Variants in CPEB2 observed in about 807,000 individuals in gnomAD.
CPEB2 encodes cytoplasmic polyadenylation element-binding protein 2.
In CPEB2, 56 loss-of-function variants were observed where a neutral mutation model predicts 93.6. That is an observed-to-expected ratio of 0.60 (90% CI 0.48 to 0.75). The LOEUF (loss-of-function observed/expected upper bound fraction) is 0.75. Ranked by LOEUF, CPEB2 falls within the 30% of genes least tolerant of loss-of-function variation. The pLI is 0.00. For synonymous variants in CPEB2, 764 were observed against 586.3 expected (o/e 1.30, Z -4.38); for missense variants, 1,579 against 1,395.1 (o/e 1.13, Z -2.10).
intron 8 of CPEB2, among the ~76,000 whole-genome samples, chr4:15,057,438 T>C (rs1459769132): frequency 6.6e-6 from 1 of 152,172 alleles, no homozygotes; most frequent in Non-Finnish European, 1.5e-5. Context: ...CATTTCCCAT[T>C]ATACGATGGA....
chr4:15,010,056 G>T lies in CPEB2; in HGVS notation c.2034+1629G>T, dbSNP rs530160156. ...TTCCCTTTGGACTTTTGAGCCAGAG[G>T]TGTGATGTGATGAAGTAAAACACAG... is the stretch of plus-strand genomic sequence containing the variant. On this transcript the variant is annotated intron_variant, in intron 3 of 11. Coordinates refer to ENST00000538197, the MANE Select transcript of CPEB2 (RefSeq NM_001177382.2). 2.0e-5 allele frequency among the ~76,000 whole-genome samples: 3 copies of T among 152,284 alleles called. 1 individual carries two copies. Among genetic ancestry groups the T allele is most frequent in the Admixed American group, 2.0e-4 (3 of 15,300 alleles).
At chr4:15,047,280 A>G (rs752244836) in intron 6 of CPEB2, among the ~76,000 whole-genome samples, 1 of 152,180 alleles carries the variant, frequency 6.6e-6, no homozygotes, top group Admixed American at 6.5e-5. Context: ...TTTATCATAA[A>G]TTTTAGAACT....
At chr4:15,030,574 T>G (rs768227002) in intron 4 of CPEB2, among the ~76,000 whole-genome samples, 33 of 152,108 alleles carry the variant, frequency 2.2e-4, no homozygotes, top group Admixed American at 4.6e-4. Context: ...GTACTTTTAA[T>G]AATACCCTAA....
chr4:15,017,200 A>G lies in CPEB2; in HGVS notation c.2047A>G (p.Met683Val). The G allele has an allele frequency of 6.3e-7, 1 of 1,584,734 alleles. No homozygotes were observed. Among genetic ancestry groups the G allele is most frequent in the Admixed American group, 1.7e-5 (1 of 59,606 alleles). ...TSRIDQDRSR[M>V]YDSLNMHSLE... is the part of the protein sequence containing the mutation. ...TCTTCTCTTCCAGGATCGAAGTAGA[A>G]TGTATGACAGTTTGAATATGCACTC... The change falls in exon 4 of 12, where the codon ATG (methionine) becomes GTG (valine). Residue 683 changes from methionine (M) to valine (V), a missense_variant. This residue lies in a region of CPEB2 where 1,411 missense variants were observed against 1,056.0 expected (regional missense o/e 1.34). Coordinates refer to ENST00000538197, the MANE Select transcript of CPEB2 (RefSeq NM_001177382.2).
intron 6 of CPEB2, among the ~76,000 whole-genome samples, chr4:15,041,341 T>A (rs1577431402): frequency 1.3e-5 from 2 of 152,166 alleles, no homozygotes; most frequent in East Asian, 3.8e-4. Flanking sequence ...AGAGTTTTCT[T>A]TGACCTCTAA....
At chr4:15,010,924 T>C (rs1723386982) in intron 3 of CPEB2, among the ~76,000 whole-genome samples, 1 of 152,120 alleles carries the variant, frequency 6.6e-6, no homozygotes, top group South Asian at 2.1e-4. Context: ...GTTTTGTAGG[T>C]TGATTTTTAT....
At chr4:15,029,769 T>C (rs113510745) in intron 4 of CPEB2, among the ~76,000 whole-genome samples, 96 of 152,264 alleles carry the variant, frequency 6.3e-4, no homozygotes, top group African/African-American at 2.1e-3. Flanking sequence ...TATCTCATTC[T>C]TCTATTATCC....
intron 5 of CPEB2, among the ~76,000 whole-genome samples, chr4:15,037,523 A>G (rs1265588988): frequency 6.6e-6 from 1 of 152,156 alleles, no homozygotes; most frequent in Non-Finnish European, 1.5e-5. Context: ...ATGACCCTAC[A>G]CAGTTTCTAG....
chr4:15,008,875 CTT>C (rs1451472737), intron 3 of CPEB2, among the ~76,000 whole-genome samples: 10 of 152,120 alleles, frequency 6.6e-5, no homozygotes, highest in Non-Finnish European at 2.9e-5. Flanking sequence ...AAAGACTTCT[CTT>C]GGTTCAGTTT....
At chr4:15,012,041 C>T (rs1445077799) in intron 3 of CPEB2, among the ~76,000 whole-genome samples, 1 of 152,156 alleles carries the variant, frequency 6.6e-6, no homozygotes, top group Non-Finnish European at 1.5e-5. Flanking sequence ...TGAATCTTTA[C>T]TCACCTTACA....
chr4:15,002,704 A>C lies in CPEB2; in HGVS notation c.31A>C (p.Thr11Pro). 1.3e-6 allele frequency: 2 copies of C among 1,523,528 alleles called. No individual in the cohort carries two copies. Among genetic ancestry groups the C allele is most frequent in the South Asian group, 1.2e-5 (1 of 83,052 alleles). The allele number at this position is 1,523,528 out of a possible 1,614,324, so 94.4% of individuals were successfully genotyped here. Residue 11 changes from threonine (T) to proline (P), a missense_variant, in exon 1 of 12, where the codon ACC becomes CCC. Thr to Pro is a conservative substitution (Grantham distance 38, BLOSUM62 -1). Around this residue, in one of 2 missense-constraint regions of CPEB2, gnomAD observed 1,411 missense variants for 1,056.0 expected, o/e 1.34. Coordinates refer to ENST00000538197, the MANE Select transcript of CPEB2 (RefSeq NM_001177382.2). MRDFGFGVLQ[T>P]APLRSSSPGP... ...GGATTTCGGGTTTGGGGTGCTGCAGACCGCCCCGCTCCGAAGTAGCAGTCC... is the reference window on the plus strand; with the variant it reads ...GGATTTCGGGTTTGGGGTGCTGCAGCCCGCCCCGCTCCGAAGTAGCAGTCC...
At chr4:15,027,635 A>G (rs1725628246) in intron 4 of CPEB2, among the ~76,000 whole-genome samples, 1 of 152,246 alleles carries the variant, frequency 6.6e-6, no homozygotes, top group South Asian at 2.1e-4. Context: ...TTATGAAAAC[A>G]ATATTGGAAG....
chr4:15,031,889 A>G (rs1726142282), intron 4 of CPEB2, among the ~76,000 whole-genome samples: 2 of 152,152 alleles, frequency 1.3e-5, no homozygotes, highest in African/African-American at 4.8e-5. Flanking sequence ...GTGGGCCTGT[A>G]GAGTGTAGAG....
chr4:15,002,774 G>GGTCC lies in CPEB2; in HGVS notation c.105_108dup (p.Asn37ArgfsTer61), dbSNP rs1207219898. On this transcript the variant is annotated frameshift_variant, in exon 1 of 12. Transcript: ENST00000538197. LOFTEE classifies it high-confidence loss of function. ...GAGGCGTATGGTCCTTACGCCGTGG[G>GGTCC]GTCCGTCAACCCGCTGCCCTCCGCC... is the stretch of plus-strand genomic sequence containing the variant. The GGTCC allele has an allele frequency of 6.5e-7, 1 of 1,535,408 alleles. No individual in the cohort carries two copies. Among genetic ancestry groups the GGTCC allele is most frequent in the Non-Finnish European group, 8.7e-7 (1 of 1,146,676 alleles).
chr4:15,034,984 T>A (rs1726468508), intron 5 of CPEB2, among the ~76,000 whole-genome samples: 1 of 152,164 alleles, frequency 6.6e-6, no homozygotes, highest in Non-Finnish European at 1.5e-5. Flanking sequence ...GTGATATTAG[T>A]GCTCCTGTAC....
In CPEB2 at chr4:15,069,104, A is replaced by G. The variant is rs961197585; in HGVS notation, c.*2724A>G. On this transcript the variant is annotated 3_prime_UTR_variant, in exon 12 of 12. Transcript: ENST00000538197. The stretch of plus-strand genomic sequence containing the variant: ...TCCCTAAATATTCATATTGCTGCCC[A>G]AAAGTATGACTGTGGAGGAAAAAAA... 1.3e-5 allele frequency: 2 copies of G among 152,108 alleles called. No homozygotes were observed. Among genetic ancestry groups the G allele is most frequent in the African/African-American group, 4.8e-5 (2 of 41,370 alleles). 9.4% of individuals were successfully genotyped at this position (152,108 alleles called of 1,614,324 possible).
chr4:15,015,736 T>C (rs1179442656), intron 3 of CPEB2, among the ~76,000 whole-genome samples: 1 of 151,976 alleles, frequency 6.6e-6, no homozygotes, highest in East Asian at 1.9e-4. Context: ...CCCTTATCCA[T>C]GAGTGATACG....
chr4:15,022,948 G>A (rs1469240391), intron 4 of CPEB2, among the ~76,000 whole-genome samples: 1 of 151,906 alleles, frequency 6.6e-6, no homozygotes, highest in Non-Finnish European at 1.5e-5. Flanking sequence ...TTTTTACATA[G>A]TTGCCTTTAT....
At chr4:15,064,632 A>T in intron 11 of CPEB2, among the ~76,000 whole-genome samples, 1 of 152,098 alleles carries the variant, frequency 6.6e-6, no homozygotes, top group East Asian at 1.9e-4. Context: ...ATGTAAATGT[A>T]TTGCATTTAT....
Sources: allele counts gnomAD v4.1 joint callset (sites outside exome capture counted in the v4.1 genomes callset), GRCh38; gene constraint gnomAD v4.1.1; regional missense constraint gnomAD v4.1.1; transcripts MANE v1.5; gene names NCBI Gene and HGNC (gene_info 2026-07-23, HGNC 2026-07-21).